SMARCA4: variants seen among roughly 807,000 people sequenced by gnomAD.
SMARCA4 encodes SWI/SNF related BAF chromatin remodeling complex subunit ATPase 4.
A neutral mutation model predicts 193.9 loss-of-function variants in SMARCA4; 31 were observed. The ratio of observed to expected loss-of-function variants is 0.16; its 90% CI spans 0.12 to 0.22. SMARCA4 has a LOEUF of 0.22. SMARCA4 is among the 10% of genes least tolerant of loss of function. The pLI is 1.00. For synonymous variants in SMARCA4, 942 were observed against 933.1 expected (o/e 1.01, Z -0.17); for missense variants, 1,148 against 2,296.0 (o/e 0.50, Z 10.22).
At chr19:11,061,204 A>AAAAAAATAT (rs1555797070) in intron 34 of SMARCA4, among the ~76,000 whole-genome samples, 5 of 45,214 alleles carry the variant, frequency 1.1e-4, no homozygotes, top group African/African-American at 5.6e-4. Flanking sequence ...AAAAAAAAAA[A>AAAAAAATAT]ATATATATAT....
rs375970422 is a variant in SMARCA4, at chr19:11,019,540, C to A, written c.2506-51C>A. 1 of 1,285,116 alleles carries A rather than the reference C, an allele frequency of 7.8e-7. No individual in the cohort carries two copies. The highest frequency in any genetic ancestry group is 1.1e-6 in the Non-Finnish European group (1 of 899,372). The allele number at this position is 1,285,116 out of a possible 1,614,324, so 79.6% of individuals were successfully genotyped here. On this transcript the variant is annotated intron_variant, in intron 17 of 34. Coordinates refer to ENST00000344626, the MANE Select transcript of SMARCA4 (RefSeq NM_003072.5). This position sits in a 1 kb window ranked among gnomAD's most constrained non-coding sequence, Gnocchi z 6.1. ...GGGGGTGCCTGTGCCCCTCTTGCCA[C>A]CTGGCCACCCGGCTCCAAAAGCCGA...
chr19:10,965,006 T>G (rs1214588197), intron 1 of SMARCA4, among the ~76,000 whole-genome samples: 1 of 152,106 alleles, frequency 6.6e-6, no homozygotes, highest in Non-Finnish European at 1.5e-5. Context: ...ACCACCTGGG[T>G]TTGACTCCTG....
chr19:11,030,648 T>A lies in SMARCA4; in HGVS notation c.3383-82T>A. On this transcript the variant is annotated intron_variant, in intron 24 of 34. Coordinates refer to ENST00000344626, the MANE Select transcript of SMARCA4 (RefSeq NM_003072.5). The surrounding 1 kb of genome is among the most constrained non-coding windows in gnomAD (Gnocchi z 5.5). Reference sequence around the variant, plus strand: ...TGGCAGGTGCTGATCCTGCTCCTGCTCTCAGAAGCAGGTGTTCCTTGGTGT... The same window carrying A: ...TGGCAGGTGCTGATCCTGCTCCTGCACTCAGAAGCAGGTGTTCCTTGGTGT... 7.7e-7 allele frequency: 1 copy of A among 1,299,528 alleles called. No homozygotes were observed. Among genetic ancestry groups the A allele is most frequent in the Non-Finnish European group, 1.1e-6 (1 of 922,962 alleles). 80.5% of individuals were successfully genotyped at this position (1,299,528 alleles called of 1,614,324 possible).
rs2147115638 is a variant in SMARCA4, at chr19:11,059,845, GGAGGAGGAAGAGGGC to G, written c.4739_4753del (p.Glu1580_Glu1584del). The G allele has an allele frequency of 6.2e-7, 1 of 1,613,770 alleles. No individual in the cohort carries two copies. Among genetic ancestry groups the G allele is most frequent in the Non-Finnish European group, 8.5e-7 (1 of 1,179,764 alleles). On this transcript the variant is annotated inframe_deletion, in exon 33 of 35. Transcript: ENST00000344626. Reference sequence around the variant, plus strand: ...ATGACAGTGAAGGCGAGGAGAGTGAGGAGGAGGAAGAGGGCGAGGAGGAAGGCTCCGAATCCGAAT... The same window carrying G: ...ATGACAGTGAAGGCGAGGAGAGTGAGGAGGAGGAAGGCTCCGAATCCGAAT...
At chr19:11,010,558 GC>G in intron 15 of SMARCA4, 27 bp downstream of exon 15, 1 of 1,608,054 alleles carries the variant, frequency 6.2e-7, no homozygotes, top group Non-Finnish European at 8.5e-7. Context: ...GGAGGCCACC[GC>G]CACGTAGCTG....
Position 10,984,043 on chromosome 19 carries a change from C to G in SMARCA4, c.-31-78C>G. On this transcript the variant is annotated intron_variant, in intron 1 of 34. Transcript: ENST00000344626. This position sits in a 1 kb window ranked among gnomAD's most constrained non-coding sequence, Gnocchi z 4.3. The stretch of plus-strand genomic sequence containing the variant: ...TGTGGGATGTAGATTCTGATGTGAC[C>G]GTATGATTGTCCCTTGCTATCCCTG... 4.7e-6 allele frequency: 5 copies of G among 1,068,400 alleles called. No individual in the cohort carries two copies. The South Asian group carries it at 5.2e-5, about 11-fold the overall frequency. 66.2% of individuals were successfully genotyped at this position (1,068,400 alleles called of 1,614,324 possible).
rs199824021 is a variant in SMARCA4, at chr19:11,019,059, C to A, written c.2505+36C>A. On this transcript the variant is annotated intron_variant, in intron 17 of 34. Transcript: ENST00000344626. The surrounding 1 kb of genome is among the most constrained non-coding windows in gnomAD (Gnocchi z 6.1). The stretch of plus-strand genomic sequence containing the variant: ...GCCACTGAGGTTTCCTCTCTTGCTA[C>A]GGAGGTGCAGGCGGTGGTGGGCAGG... 2 of 1,539,968 alleles carry A rather than the reference C, an allele frequency of 1.3e-6. No individual in the cohort carries two copies. Among genetic ancestry groups the A allele is most frequent in the Non-Finnish European group, 1.8e-6 (2 of 1,112,396 alleles).
At chr19:11,056,111 C>T (rs1015603001) in intron 30 of SMARCA4, 6 of 152,378 alleles carry the variant, frequency 3.9e-5, no homozygotes, top group Admixed American at 6.5e-5. Context: ...GAGTGGAGAA[C>T]AGGATGTGCC....
At chr19:11,008,782 T>C (rs1378131132) in intron 14 of SMARCA4, among the ~76,000 whole-genome samples, 1 of 152,044 alleles carries the variant, frequency 6.6e-6, no homozygotes, top group African/African-American at 2.4e-5. Context: ...AAGACCAGCC[T>C]GGCCAACTTG....
intron 16 of SMARCA4, among the ~76,000 whole-genome samples, chr19:11,014,022 G>T (rs1260425138): frequency 6.6e-6 from 1 of 152,164 alleles, no homozygotes; most frequent in African/African-American, 2.4e-5. Flanking sequence ...GCTCTTACTG[G>T]TCCAGTTCAA....
Position 11,025,631 on chromosome 19 carries a change from A to G in SMARCA4, c.3168+123A>G, listed in dbSNP as rs1600313451. On this transcript the variant is annotated intron_variant, in intron 22 of 34. Coordinates refer to ENST00000344626, the MANE Select transcript of SMARCA4 (RefSeq NM_003072.5). ...AATATTTTCATTAGGTAATGCCTGT[A>G]CATCTGTCTCTCATTTGGTCTTCGC... is the stretch of plus-strand genomic sequence containing the variant. The G allele has an allele frequency of 9.4e-6, 7 of 747,818 alleles. No individual in the cohort carries two copies. The East Asian group carries it at 1.8e-4, about 19-fold the overall frequency. 46.3% of individuals were successfully genotyped at this position (747,818 alleles called of 1,614,324 possible). A position where few individuals can be genotyped will look rare whatever the true frequency, so the allele number is the denominator to read the frequency against.
At chr19:10,997,761 C>T (rs545287804) in intron 11 of SMARCA4, among the ~76,000 whole-genome samples, 1 of 152,184 alleles carries the variant, frequency 6.6e-6, no homozygotes, top group South Asian at 2.1e-4. Context: ...GCCCCCGCAC[C>T]TGGCCTTCAC....
At chr19:11,016,530 G>A (rs193178207) in intron 16 of SMARCA4, among the ~76,000 whole-genome samples, 1 of 152,194 alleles carries the variant, frequency 6.6e-6, no homozygotes, top group Non-Finnish European at 1.5e-5. Context: ...CCATGTGCTT[G>A]TTTGGGTAAT....
intron 14 of SMARCA4, among the ~76,000 whole-genome samples, chr19:11,009,558 G>A (rs545113404): frequency 2.2e-4 from 34 of 151,952 alleles, no homozygotes; most frequent in African/African-American, 7.5e-4. Context: ...TTGCTCAGTC[G>A]CCCAGGCTGG....
rs137865764 is a variant in SMARCA4, at chr19:11,062,214, G to A, written c.*398G>A. 4.8e-4 allele frequency: 145 copies of A among 304,616 alleles called. No individual in the cohort carries two copies. Among genetic ancestry groups the A allele is most frequent in the African/African-American group, 2.9e-3 (139 of 47,814 alleles). 18.9% of individuals were successfully genotyped at this position (304,616 alleles called of 1,614,324 possible). On this transcript the variant is annotated 3_prime_UTR_variant, in exon 35 of 35. Transcript: ENST00000344626. ...GACAGGTCAGACTCGCCGGGGGCCC[G>A]GCGAGGGTATGTCAGTGTCACTGGA... is the stretch of plus-strand genomic sequence containing the variant.
At chr19:11,029,290 T>C (rs2090478118) in intron 24 of SMARCA4, among the ~76,000 whole-genome samples, 1 of 152,236 alleles carries the variant, frequency 6.6e-6, no homozygotes. Context: ...CTGTGTCGTG[T>C]CCCTGACTCC....
In SMARCA4 at chr19:11,009,594, C is replaced by T. The variant is rs1400896459; in HGVS notation, c.2124-787C>T. Among the ~76,000 whole-genome samples the T allele has an allele frequency of 2.0e-5, 3 of 152,170 alleles. No individual in the cohort carries two copies. In the South Asian group the frequency reaches 6.2e-4, roughly 32 times the overall value. On this transcript the variant is annotated intron_variant, in intron 14 of 34. Transcript: ENST00000344626. ...AGTGCAGTGGCTCGATCTCTTGACTCACTGCAGCCTCTGCCTCCGGGCTTA... is the reference window on the plus strand; with the variant it reads ...AGTGCAGTGGCTCGATCTCTTGACTTACTGCAGCCTCTGCCTCCGGGCTTA...
In SMARCA4 at chr19:10,994,947, G is replaced by A. The variant is rs2145941345; in HGVS notation, c.1539G>A (p.Arg513=). 6.2e-7 allele frequency: 1 copy of A among 1,614,128 alleles called. No individual in the cohort carries two copies. Among genetic ancestry groups the A allele is most frequent in the Non-Finnish European group, 8.5e-7 (1 of 1,179,996 alleles). The change falls in exon 9 of 35, where the codon CGG becomes CGA. Residue 513 remains arginine (R), a synonymous_variant. Transcript: ENST00000344626. ...AVATYHANTE[R]EQKKENERIE... The stretch of plus-strand genomic sequence containing the variant: ...CCACGTACCATGCCAACACGGAGCG[G>A]GAGCAGAAGAAAGAGAACGAGCGGA...
At chr19:10,992,488 G>A (rs1043709271) in intron 8 of SMARCA4, among the ~76,000 whole-genome samples, 7 of 143,268 alleles carry the variant, frequency 4.9e-5, no homozygotes, top group East Asian at 2.1e-4. Flanking sequence ...GCAATGGCAC[G>A]ATCTTGGCTC....
Sources: allele counts gnomAD v4.1 joint callset (sites outside exome capture counted in the v4.1 genomes callset), GRCh38; gene constraint gnomAD v4.1.1; non-coding constraint Gnocchi (gnomAD v3.1); transcripts MANE v1.5; gene names NCBI Gene and HGNC (gene_info 2026-07-23, HGNC 2026-07-21).